RAB11FIP4: variants seen among roughly 807,000 people sequenced by gnomAD.
RAB11FIP4 encodes rab11 family-interacting protein 4.
A neutral mutation model predicts 74.3 loss-of-function variants in RAB11FIP4; 23 were observed. The observed-to-expected ratio is 0.31, with a 90% confidence interval of 0.22 to 0.44. RAB11FIP4 has a LOEUF of 0.44. RAB11FIP4 is among the 20% of genes least tolerant of loss of function. RAB11FIP4 has a pLI of 1.00. For synonymous variants in RAB11FIP4, 360 were observed against 359.9 expected (o/e 1.00, Z 0.00); for missense variants, 630 against 863.9 (o/e 0.73, Z 3.39).
chr17:31,460,384 C>A (rs1053776442), intron 3 of RAB11FIP4, among the ~76,000 whole-genome samples: 2 of 152,140 alleles, frequency 1.3e-5, no homozygotes, highest in African/African-American at 4.8e-5. Context: ...CTTGGCCCTT[C>A]CCCGTGAGAC....
Position 31,412,779 on chromosome 17 carries a change from G to A in RAB11FIP4, c.160-19034G>A, listed in dbSNP as rs1021489446. On this transcript the variant is annotated intron_variant, in intron 1 of 14. Coordinates refer to ENST00000621161, the MANE Select transcript of RAB11FIP4 (RefSeq NM_032932.6). ...AGATAGGTTTCAGGTCCTCTGCCAG[G>A]GCTACAGGCTGCACCTCCCCTGGGA... Among the ~76,000 whole-genome samples, 3 of 152,160 alleles carry A rather than the reference G, an allele frequency of 2.0e-5. No homozygotes were observed. The South Asian group carries it at 6.2e-4, about 32-fold the overall frequency.
chr17:31,443,218 T>C (rs1597919445), intron 3 of RAB11FIP4, among the ~76,000 whole-genome samples: 1 of 152,188 alleles, frequency 6.6e-6, no homozygotes, highest in Non-Finnish European at 1.5e-5. Context: ...CTGTCGACAT[T>C]CTCCACCCTG....
chr17:31,500,895 C>T (rs1212438196), intron 3 of RAB11FIP4, among the ~76,000 whole-genome samples: 9 of 152,008 alleles, frequency 5.9e-5, no homozygotes, highest in Non-Finnish European at 8.8e-5. Context: ...TGATGGCACG[C>T]GCCTGTAGTC....
Position 31,531,936 on chromosome 17 carries a change from G to A in RAB11FIP4, c.*204G>A, listed in dbSNP as rs113023085. On this transcript the variant is annotated 3_prime_UTR_variant, in exon 15 of 15. Transcript: ENST00000621161. ...CCGTGGCTGTGGGCAGCATCCACAC[G>A]GTTAGCCGTGCATGCACTTTGTGGC... The A allele has an allele frequency of 3.8e-5, 21 of 557,486 alleles. No individual in the cohort carries two copies. Among genetic ancestry groups the A allele is most frequent in the Non-Finnish European group, 5.5e-5 (17 of 311,760 alleles). The allele number at this position is 557,486 out of a possible 1,614,324, so 34.5% of individuals were successfully genotyped here.
At chr17:31,500,857 T>C (rs9894929) in intron 3 of RAB11FIP4, among the ~76,000 whole-genome samples, 61,066 of 151,846 alleles carry the variant, frequency 0.4, 12,568 homozygotes, top group Non-Finnish European at 0.43. Flanking sequence ...ACCCCGTCTC[T>C]ACTAAAAATA....
Position 31,537,689 on chromosome 17 carries a change from C to A in RAB11FIP4, c.*5957C>A. The A allele has an allele frequency of 6.5e-6, 1 of 154,322 alleles. No individual in the cohort carries two copies. Among genetic ancestry groups the A allele is most frequent in the Non-Finnish European group, 1.4e-5 (1 of 69,144 alleles). 9.6% of individuals were successfully genotyped at this position (154,322 alleles called of 1,614,324 possible). On this transcript the variant is annotated 3_prime_UTR_variant, in exon 15 of 15. Coordinates refer to ENST00000621161, the MANE Select transcript of RAB11FIP4 (RefSeq NM_032932.6). ...CTGGTGTCTAGAACAGCTGCGGGCC[C>A]CACTTGGGCAGAAGGAAGAGGTGCT...
At chr17:31,518,235 A>G (rs1026776065) in intron 4 of RAB11FIP4, among the ~76,000 whole-genome samples, 1 of 152,130 alleles carries the variant, frequency 6.6e-6, no homozygotes, top group East Asian at 1.9e-4. Context: ...GCTCACACCT[A>G]TAACCCCAGG....
intron 3 of RAB11FIP4, among the ~76,000 whole-genome samples, chr17:31,490,552 C>CT (rs564849390): frequency 0.022 from 3,252 of 145,444 alleles, 115 homozygotes; most frequent in African/African-American, 0.075. Context: ...AAGGAAGCAT[C>CT]TTTTTTTTTT....
intron 3 of RAB11FIP4, among the ~76,000 whole-genome samples, chr17:31,436,506 T>G (rs1246137018): frequency 6.6e-6 from 1 of 152,144 alleles, no homozygotes; most frequent in Non-Finnish European, 1.5e-5. Flanking sequence ...GCCCCCACAT[T>G]CTGCCATTCA....
At chr17:31,414,519 G>C (rs1020992874) in intron 1 of RAB11FIP4, among the ~76,000 whole-genome samples, 1 of 152,240 alleles carries the variant, frequency 6.6e-6, no homozygotes. Context: ...TGGCCGGAGG[G>C]ATTCTGTCAG....
intron 3 of RAB11FIP4, among the ~76,000 whole-genome samples, chr17:31,514,200 G>A (rs541682598): frequency 6.6e-6 from 1 of 152,386 alleles, no homozygotes; most frequent in East Asian, 1.9e-4. Context: ...GCTTGGGCCA[G>A]CTGCTGGGAG....
In RAB11FIP4 at chr17:31,444,794, C is replaced by T. The variant is rs151237823; in HGVS notation, c.336+10672C>T. Among the ~76,000 whole-genome samples, 11 of 152,334 alleles carry T rather than the reference C, an allele frequency of 7.2e-5. 1 individual carries two copies. Among genetic ancestry groups the T allele is most frequent in the Non-Finnish European group, 1.5e-4 (10 of 68,020 alleles). On this transcript the variant is annotated intron_variant, in intron 3 of 14. Coordinates refer to ENST00000621161, the MANE Select transcript of RAB11FIP4 (RefSeq NM_032932.6). ...GAACCTGTAGGACATTAACCACCTT[C>T]GTATATACCTTTCCAGTCTCATTTC...
At chr17:31,434,211 C>T in intron 3 of RAB11FIP4, 89 bp downstream of exon 3, 1 of 1,033,114 alleles carries the variant, frequency 9.7e-7, no homozygotes, top group South Asian at 1.4e-5. Flanking sequence ...TCTGGGAGGA[C>T]CCAGAACCTC....
At chr17:31,444,727 G>A (rs975185932) in intron 3 of RAB11FIP4, among the ~76,000 whole-genome samples, 7 of 152,152 alleles carry the variant, frequency 4.6e-5, no homozygotes, top group African/African-American at 1.2e-4. Flanking sequence ...CTTACATCCC[G>A]TCTTTTTAAA....
intron 3 of RAB11FIP4, among the ~76,000 whole-genome samples, chr17:31,492,709 C>T (rs1400031216): frequency 6.6e-6 from 1 of 152,154 alleles, no homozygotes; most frequent in Non-Finnish European, 1.5e-5. Context: ...GCAGCTTCAT[C>T]ATAATACTGT....
rs143651863 is a variant in RAB11FIP4, at chr17:31,428,064, A to G, written c.160-3749A>G. 7.5e-3 allele frequency among the ~76,000 whole-genome samples: 1,141 copies of G among 152,196 alleles called. 7 individuals carry two copies. Among genetic ancestry groups the G allele is most frequent in the Non-Finnish European group, 0.011 (714 of 68,000 alleles). ...GGCACGGCCCCTCTGCCCTTCCCTC[A>G]CCCCAGACTCACCCCAGAGTGGAAA... On this transcript the variant is annotated intron_variant, in intron 1 of 14. Coordinates refer to ENST00000621161, the MANE Select transcript of RAB11FIP4 (RefSeq NM_032932.6).
At chr17:31,495,392 T>TTTG (rs2072096062) in intron 3 of RAB11FIP4, among the ~76,000 whole-genome samples, 1 of 99,820 alleles carries the variant, frequency 1.0e-5, no homozygotes, top group Non-Finnish European at 2.0e-5. Context: ...TTTTTTTTTT[T>TTTG]GAGACAGGGT....
At chr17:31,526,930 A>G (rs776408339) in intron 10 of RAB11FIP4, 3 of 152,264 alleles carry the variant, frequency 2.0e-5, no homozygotes, top group African/African-American at 4.8e-5. Flanking sequence ...AAAACAGACA[A>G]ACAAACAAAA....
rs567888370 is a variant in RAB11FIP4, at chr17:31,419,763, G to T, written c.160-12050G>T. Among the ~76,000 whole-genome samples, 32 of 152,154 alleles carry T rather than the reference G, an allele frequency of 2.1e-4. No individual in the cohort carries two copies. In the South Asian group the frequency reaches 6.2e-3, roughly 30 times the overall value. On this transcript the variant is annotated intron_variant, in intron 1 of 14. Coordinates refer to ENST00000621161, the MANE Select transcript of RAB11FIP4 (RefSeq NM_032932.6). Reference sequence around the variant, plus strand: ...GACGGGGTTTCACTGTGTTAGCCAGGATGGTCTCGATCTCCTGATCTCATG... The same window carrying T: ...GACGGGGTTTCACTGTGTTAGCCAGTATGGTCTCGATCTCCTGATCTCATG...
Sources: allele counts gnomAD v4.1 joint callset (sites outside exome capture counted in the v4.1 genomes callset), GRCh38; gene constraint gnomAD v4.1.1; transcripts MANE v1.5; gene names NCBI Gene and HGNC (gene_info 2026-07-23, HGNC 2026-07-21).